ARL10: variants seen among roughly 807,000 people sequenced by gnomAD.
ARL10 encodes the protein ARF like GTPase 10, also known as ADP-ribosylation factor-like protein 10.
ARL10 carries 23 observed loss-of-function variants against 26.1 expected under a neutral mutation model. The ratio of observed to expected loss-of-function variants is 0.88; its 90% CI spans 0.63 to 1.25. The LOEUF is 1.25. Among genes scored for constraint, ARL10 ranks in the 50% most tolerant of loss-of-function variants. The pLI is 0.00. For synonymous variants in ARL10, 138 were observed against 149.1 expected (o/e 0.93, Z 0.54); for missense variants, 300 against 323.6 (o/e 0.93, Z 0.56).
chr5:176,396,397 T>A, intron 1 of ARL10: 1 of 1,247,138 alleles, frequency 8.0e-7, no homozygotes, highest in East Asian at 2.3e-5. Context: ...CTCATTTATA[T>A]CCCACAAGCA....
Position 176,371,779 on chromosome 5 carries a change from A to G in ARL10, c.619A>G (p.Ile207Val). The change falls in exon 4 of 4, where the codon ATC (isoleucine) becomes GTC (valine). Residue 207 changes from isoleucine to valine, a missense_variant. By Grantham distance (29) the Ile-to-Val change is conservative (BLOSUM62 3). Transcript: ENST00000310389. ...GCAGCGGGAGCTGGGTCTACAGGCT[A>G]TCGATAACCAGCGGGAGGTTTTCCT... is the stretch of plus-strand genomic sequence containing the variant. ...ELQRELGLQAIDNQREVFLLA... is the reference protein window; with the variant it reads ...ELQRELGLQAVDNQREVFLLA... The G allele has an allele frequency of 1.2e-6, 2 of 1,614,210 alleles. No individual in the cohort carries two copies. The highest frequency in any genetic ancestry group is 1.7e-6 in the Non-Finnish European group (2 of 1,180,036).
At chr5:176,388,562 G>A (rs1454223390) in exon 2 of ARL10, 2 of 1,582,696 alleles carry the variant, frequency 1.3e-6, no homozygotes, top group Admixed American at 1.7e-5. Context: ...CGCACCAGCA[G>A]CTCAAACACG....
rs942899267 is a variant in ARL10, at chr5:176,381,899, C to A, written c.*10004C>A. On this transcript the variant is annotated 3_prime_UTR_variant, in exon 4 of 4. Transcript: ENST00000310389. ...GAGGTGAACTTGAAGAATAAAGTTT[C>A]ATTATGTTTACTTGAGCTGCTTTTA... The A allele has an allele frequency of 1.3e-5, 2 of 152,158 alleles. No individual in the cohort carries two copies. The highest frequency in any genetic ancestry group is 4.8e-5 in the African/African-American group (2 of 41,430). 9.4% of individuals were successfully genotyped at this position (152,158 alleles called of 1,614,324 possible).
At chr5:176,401,753 A>AAACAGCGACACTGAAC (rs1561794986) in exon 2 of ARL10, 1 of 456,170 alleles carries the variant, frequency 2.2e-6, no homozygotes, top group African/African-American at 2.0e-5. Flanking sequence ...GTTAAAATGA[A>AAACAGCGACACTGAAC]AACAGCGACA....
In ARL10 at chr5:176,375,506, AAACT is replaced by A. The variant is rs1392028978; in HGVS notation, c.*3618_*3621del. 2.6e-5 allele frequency: 4 copies of A among 152,184 alleles called. No homozygotes were observed. The highest frequency in any genetic ancestry group is 7.2e-5 in the African/African-American group (3 of 41,444). The allele number at this position is 152,184 out of a possible 1,614,324, so 9.4% of individuals were successfully genotyped here. A position where few individuals can be genotyped will look rare whatever the true frequency, so the allele number is the denominator to read the frequency against. The stretch of plus-strand genomic sequence containing the variant: ...CTCCACTGGAATATTTGCTCAGGGG[AAACT>A]AACTAATCATCTGTTTCAAGGTTGG... On this transcript the variant is annotated 3_prime_UTR_variant, in exon 4 of 4. Coordinates refer to ENST00000310389, the MANE Select transcript of ARL10 (RefSeq NM_173664.6).
intron 2 of ARL10, among the ~76,000 whole-genome samples, chr5:176,367,090 C>T (rs1382228774): frequency 1.3e-5 from 2 of 150,398 alleles, no homozygotes; most frequent in Non-Finnish European, 3.0e-5. Context: ...TCACTGCAAC[C>T]TCCTCCTCCC....
At chr5:176,414,426 T>C in the ARL10 span, among the ~76,000 whole-genome samples, 30 of 142,828 alleles carry the variant, frequency 2.1e-4, no homozygotes, top group Admixed American at 1.5e-3. Flanking sequence ...GTGACTGCTA[T>C]AGAATCTTTT....
rs1203829042 is a variant in ARL10, at chr5:176,393,920, C to A, written c.134-7821C>A. Among the ~76,000 whole-genome samples, 1 of 152,164 alleles carries A rather than the reference C, an allele frequency of 6.6e-6. No individual in the cohort carries two copies. Among genetic ancestry groups the A allele is most frequent in the African/African-American group, 2.4e-5 (1 of 41,436 alleles). Reference sequence around the variant, plus strand: ...AGGGTCGCTCACAAGTCCCTGGAAGCCCCCTCTCCATCTCAAGCAGGACCA... The same window carrying A: ...AGGGTCGCTCACAAGTCCCTGGAAGACCCCTCTCCATCTCAAGCAGGACCA... On this transcript the variant is annotated intron_variant, in intron 1 of 1. Transcript: ENST00000514533. The surrounding 1 kb of genome is among the most constrained non-coding windows in gnomAD (Gnocchi z 4.4).
At chr5:176,391,912 T>A (rs1447306476), downstream of ARL10, among the ~76,000 whole-genome samples, 1 of 152,220 alleles carries the variant, frequency 6.6e-6, no homozygotes, top group African/African-American at 2.4e-5. Flanking sequence ...AAGCTAATAT[T>A]TACTGGCAAT....
rs1400734082 is a variant in ARL10, at chr5:176,379,438, G to A, written c.*7543G>A. 1 of 152,124 alleles carries A rather than the reference G, an allele frequency of 6.6e-6. No homozygotes were observed. The highest frequency in any genetic ancestry group is 2.4e-5 in the African/African-American group (1 of 41,402). 9.4% of individuals were successfully genotyped at this position (152,124 alleles called of 1,614,324 possible). ...CCCGCCTCGGCCTCCCAAAGTGCTGGGTCAACTATGTTCTTGAGTAAGAAC... is the reference window on the plus strand; with the variant it reads ...CCCGCCTCGGCCTCCCAAAGTGCTGAGTCAACTATGTTCTTGAGTAAGAAC... On this transcript the variant is annotated 3_prime_UTR_variant, in exon 4 of 4. Coordinates refer to ENST00000310389, the MANE Select transcript of ARL10 (RefSeq NM_173664.6).
chr5:176,401,609 C>T, intron 1 of ARL10: 2 of 399,490 alleles, frequency 5.0e-6, no homozygotes, highest in South Asian at 1.8e-5. Context: ...CACATGGCAT[C>T]GAGACCTCAG....
At chr5:176,384,228 C>G, downstream of ARL10, 1 of 1,614,228 alleles carries the variant, frequency 6.2e-7, no homozygotes, top group Non-Finnish European at 8.5e-7. Context: ...TGATGTAAAC[C>G]AGTCACTCCA....
intron 2 of ARL10, 129 bp downstream of exon 2, chr5:176,366,710 T>C: frequency 8.7e-7 from 1 of 1,153,076 alleles, no homozygotes; most frequent in Non-Finnish European, 1.2e-6. Context: ...TTCCCACCGC[T>C]CTCCGGGGCA....
At chr5:176,388,594 C>T (rs766742049) in exon 2 of ARL10, 275 of 1,516,644 alleles carry the variant, frequency 1.8e-4, no homozygotes, top group Non-Finnish European at 2.4e-4. Context: ...TCTCAGACCT[C>T]GTGTAACAAA....
the ARL10 span, among the ~76,000 whole-genome samples, chr5:176,408,227 C>CT: frequency 0.2 from 28,732 of 144,054 alleles, 2,723 homozygotes; most frequent in South Asian, 0.28. Flanking sequence ...GGGTTTTCCT[C>CT]TTTTTTTTTT....
intron 2 of ARL10, among the ~76,000 whole-genome samples, chr5:176,366,801 C>T (rs1768326166): frequency 6.6e-6 from 1 of 152,164 alleles, no homozygotes; most frequent in East Asian, 1.9e-4. Context: ...CCTGCCCCAT[C>T]ACCCCTACCA....
At chr5:176,387,268 T>C (rs1755938296) in intron 1 of ARL10, among the ~76,000 whole-genome samples, 2 of 151,950 alleles carry the variant, frequency 1.3e-5, no homozygotes, top group Non-Finnish European at 2.9e-5. Context: ...TTAGTAGAGA[T>C]GGGGTTTTGC....
chr5:176,400,798 C>T (rs879709046), intron 1 of ARL10, among the ~76,000 whole-genome samples: 4 of 152,210 alleles, frequency 2.6e-5, no homozygotes, highest in Non-Finnish European at 4.4e-5. Flanking sequence ...CTCTGTCCTA[C>T]GGCGCCCACC....
intron 1 of ARL10, among the ~76,000 whole-genome samples, chr5:176,398,241 C>T (rs549699995): frequency 2.5e-4 from 38 of 152,296 alleles, no homozygotes; most frequent in African/African-American, 4.3e-4. Flanking sequence ...TGTGTGACTG[C>T]GGGCAAGTTA....
Sources: gnomAD v4.1 joint callset for allele counts (sites outside exome capture counted in the v4.1 genomes callset) on GRCh38, gnomAD v4.1.1 for gene constraint, Gnocchi (gnomAD v3.1) non-coding constraint, MANE v1.5 for transcripts, NCBI Gene and HGNC (gene_info 2026-07-23, HGNC 2026-07-21) for gene names.